NUP37: variants seen among roughly 807,000 people sequenced by gnomAD.
The protein encoded by NUP37 is nucleoporin 37, also known as nucleoporin Nup37.
NUP37 carries 33 observed loss-of-function variants against 45.4 expected under a neutral mutation model. That is an observed-to-expected ratio of 0.73 (90% CI 0.55 to 0.97). NUP37 has a LOEUF of 0.97. Ranked by LOEUF, NUP37 falls within the 50% of genes least tolerant of loss-of-function variation. NUP37 has a pLI of 0.00. For missense variants in NUP37, 365 were observed against 389.7 expected, an observed-to-expected ratio of 0.94 and a Z score of 0.53; for synonymous variants, 127 against 130.7, an observed-to-expected ratio of 0.97 and a Z score of 0.19.
chr12:102,115,348 T>G (rs925401260), intron 2 of NUP37, among the ~76,000 whole-genome samples: 1 of 152,238 alleles, frequency 6.6e-6, no homozygotes, highest in Admixed American at 6.5e-5. Flanking sequence ...TTGATATGTG[T>G]ACACTTTAAA....
intron 2 of NUP37, among the ~76,000 whole-genome samples, chr12:102,117,454 A>T (rs1448312765): frequency 2.0e-5 from 3 of 150,000 alleles, no homozygotes; most frequent in Non-Finnish European, 4.4e-5. Flanking sequence ...AAAAAAAAAT[A>T]AAAATAATAA....
chr12:102,103,176 G>T (rs1016219766), intron 3 of NUP37, among the ~76,000 whole-genome samples: 1 of 152,102 alleles, frequency 6.6e-6, no homozygotes, highest in African/African-American at 2.4e-5. Context: ...TGAATCTGTG[G>T]ATTGCTTTGA....
At chr12:102,084,847 A>C (rs911734141) in intron 6 of NUP37, among the ~76,000 whole-genome samples, 4 of 152,234 alleles carry the variant, frequency 2.6e-5, no homozygotes, top group Admixed American at 6.5e-5. Context: ...GAAACATACA[A>C]TAACTACAGT....
Position 102,077,486 on chromosome 12 carries a change from C to A in NUP37, c.558G>T (p.Lys186Asn). ...EETFKLMVAEKNGTIRFYDLL... is the reference protein window; with the variant it reads ...EETFKLMVAENNGTIRFYDLL... The stretch of plus-strand genomic sequence containing the variant: ...GATCATAAAACCGGATTGTTCCATT[C>A]TTCTCTGCAACCATTAGCTGTAAGA... The change falls in exon 7 of 10, where the codon AAG becomes AAT. Residue 186 changes from lysine to asparagine, a missense_variant. Coordinates refer to ENST00000552283, the MANE Select transcript of NUP37 (RefSeq NM_024057.4). 3 of 1,613,232 alleles carry A rather than the reference C, an allele frequency of 1.9e-6. No individual in the cohort carries two copies. The highest frequency in any genetic ancestry group is 2.5e-6 in the Non-Finnish European group (3 of 1,179,944).
chr12:102,099,203 G>T lies in NUP37; in HGVS notation c.355-3C>A, dbSNP rs201547407. On this transcript the variant is annotated splice_polypyrimidine_tract_variant and splice_region_variant and intron_variant, in intron 4 of 9. Coordinates refer to ENST00000552283, the MANE Select transcript of NUP37 (RefSeq NM_024057.4). ...AAATCGGTATGGCCCTCTAAAACCTGACAGAAAGAGAAACAGAAAGCTTAG... is the reference window on the plus strand; with the variant it reads ...AAATCGGTATGGCCCTCTAAAACCTTACAGAAAGAGAAACAGAAAGCTTAG... 337 of 1,591,288 alleles carry T rather than the reference G, an allele frequency of 2.1e-4. No homozygotes were observed. Among genetic ancestry groups the T allele is most frequent in the South Asian group, 8.5e-4 (77 of 90,446 alleles).
At chr12:102,079,882 A>C (rs1182629618) in intron 6 of NUP37, among the ~76,000 whole-genome samples, 1 of 152,228 alleles carries the variant, frequency 6.6e-6, no homozygotes, top group Non-Finnish European at 1.5e-5. Flanking sequence ...GAGCAAGTGC[A>C]CATAAGCGGA....
rs147890165 is a variant in NUP37 at position 102,103,672 on chromosome 12, C to A, written c.282-2568G>T. Among the ~76,000 whole-genome samples the A allele has an allele frequency of 5.1e-3, 776 of 152,236 alleles. 6 individuals are homozygous for A. Among genetic ancestry groups the A allele is most frequent in the African/African-American group, 0.018 (745 of 41,552 alleles). On this transcript the variant is annotated intron_variant, in intron 3 of 9. Coordinates refer to ENST00000552283, the MANE Select transcript of NUP37 (RefSeq NM_024057.4). ...AAGAGTACATTAAAAAGATCATTCA[C>A]CATGATCAAGTGGGACTTATCTCTG...
chr12:102,115,819 C>T (rs1266369397), intron 2 of NUP37: 1 of 982,670 alleles, frequency 1.0e-6, no homozygotes, highest in African/African-American at 1.7e-5. Flanking sequence ...TTAGTTTTCT[C>T]TCAAGACAAG....
At chr12:102,098,858 T>G (rs1231947509) in intron 5 of NUP37, among the ~76,000 whole-genome samples, 2 of 152,094 alleles carry the variant, frequency 1.3e-5, no homozygotes, top group African/African-American at 2.4e-5. Flanking sequence ...TTCATAAATG[T>G]GAAAATCTGA....
chr12:102,111,251 G>T (rs1353729392), intron 3 of NUP37, among the ~76,000 whole-genome samples: 1 of 152,178 alleles, frequency 6.6e-6, no homozygotes, highest in Admixed American at 6.5e-5. Context: ...TCTGGTAATA[G>T]AAATCAGATC....
chr12:102,112,632 C>T (rs191060222), intron 2 of NUP37, among the ~76,000 whole-genome samples: 39 of 151,634 alleles, frequency 2.6e-4, no homozygotes, highest in Non-Finnish European at 4.0e-4. Flanking sequence ...CCTGTGTCTA[C>T]GTTATAAAAA....
At chr12:102,095,941 C>T (rs959929391) in intron 5 of NUP37, among the ~76,000 whole-genome samples, 10 of 152,070 alleles carry the variant, frequency 6.6e-5, no homozygotes, top group African/African-American at 1.9e-4. Context: ...GACTGCCTTG[C>T]CTCTGCCTTA....
At chr12:102,088,875 T>C (rs1031620349) in intron 5 of NUP37, among the ~76,000 whole-genome samples, 8 of 152,244 alleles carry the variant, frequency 5.3e-5, no homozygotes, top group African/African-American at 1.4e-4. Context: ...GCAGTGTTTG[T>C]GTCCCTGGGT....
chr12:102,082,237 C>T (rs775444488), intron 6 of NUP37, among the ~76,000 whole-genome samples: 1 of 151,876 alleles, frequency 6.6e-6, no homozygotes, highest in Non-Finnish European at 1.5e-5. Flanking sequence ...CCTGATCTTA[C>T]GGCTTTTTTT....
At chr12:102,112,362 TAAGA>T (rs748369402) in intron 2 of NUP37, 130 bp from the exon 3 acceptor site, 13 of 671,976 alleles carry the variant, frequency 1.9e-5, no homozygotes, top group Non-Finnish European at 2.5e-5. Context: ...AATTACATAT[TAAGA>T]TTTAACTAGT....
At chr12:102,105,540 A>T (rs186509124) in intron 3 of NUP37, among the ~76,000 whole-genome samples, 3 of 151,754 alleles carry the variant, frequency 2.0e-5, no homozygotes, top group African/African-American at 7.3e-5. Flanking sequence ...CAACAACAAC[A>T]AGAATTCCGT....
intron 6 of NUP37, 30 bp from the exon 7 acceptor site, chr12:102,077,533 A>AC: frequency 6.3e-7 from 1 of 1,587,028 alleles, no homozygotes; most frequent in South Asian, 1.1e-5. Context: ...AAAGAAACTC[A>AC]ATCACTTATC....
At chr12:102,108,442 T>C (rs143926105) in intron 3 of NUP37, among the ~76,000 whole-genome samples, 210 of 152,304 alleles carry the variant, frequency 1.4e-3, no homozygotes, top group African/African-American at 4.8e-3. Flanking sequence ...CTTTCCTACT[T>C]GTGAGGTTTT....
At chr12:102,095,676 C>G (rs912888387) in intron 5 of NUP37, among the ~76,000 whole-genome samples, 4 of 152,106 alleles carry the variant, frequency 2.6e-5, no homozygotes, top group Non-Finnish European at 5.9e-5. Context: ...ACTTTTCATA[C>G]AGAAAATATT....
Sources: allele counts gnomAD v4.1 joint callset (sites outside exome capture counted in the v4.1 genomes callset), GRCh38; gene constraint gnomAD v4.1.1; transcripts MANE v1.5; gene names NCBI Gene and HGNC (gene_info 2026-07-23, HGNC 2026-07-21).